Variants in SHISA5 observed in about 807,000 individuals in gnomAD.
SHISA5 encodes protein shisa-5.
In SHISA5, 21 loss-of-function variants were observed where a neutral mutation model predicts 27.5. That is an observed-to-expected ratio of 0.76 (90% CI 0.54 to 1.10). The LOEUF (loss-of-function observed/expected upper bound fraction) is 1.10. Among genes scored for constraint, SHISA5 ranks in the 50% least tolerant of loss-of-function variants. The pLI is 0.00. For synonymous variants in SHISA5, 137 were observed against 142.2 expected, an observed-to-expected ratio of 0.96 and a Z score of 0.26; for missense variants, 314 against 336.3, an observed-to-expected ratio of 0.93 and a Z score of 0.52.
chr3:48,489,195 ATTTT>A (rs11293006), intron 2 of SHISA5, among the ~76,000 whole-genome samples: 4 of 130,080 alleles, frequency 3.1e-5, no homozygotes, highest in Admixed American at 7.9e-5. Context: ...ACATTATGAG[ATTTT>A]TTTTTTTTTT....
rs747769517 is a variant in SHISA5, at chr3:48,469,622, G to A, written c.431-49C>T. The A allele has an allele frequency of 3.8e-6, 6 of 1,593,354 alleles. No individual in the cohort carries two copies. The highest frequency in any genetic ancestry group is 5.1e-6 in the Non-Finnish European group (6 of 1,168,522). On this transcript the variant is annotated intron_variant, in intron 4 of 5. Transcript: ENST00000296444. The surrounding 1 kb of genome is among the most constrained non-coding windows in gnomAD (Gnocchi z 4.6). ...ACCCTCCTCCATCTCCCCAGGTCTT[G>A]AGAGCCAGGCTTGCCACCCATCCCT...
At chr3:48,499,359 A>G (rs964281751) in intron 2 of SHISA5, among the ~76,000 whole-genome samples, 3 of 151,628 alleles carry the variant, frequency 2.0e-5, no homozygotes, top group African/African-American at 7.3e-5. Flanking sequence ...ATTAAATTTA[A>G]ATGGAATAAA....
At position 48,497,551 on chromosome 3, in the gene SHISA5, G is replaced by A. The variant is rs143725484; in HGVS notation, c.233+3586C>T. 8.1e-3 allele frequency among the ~76,000 whole-genome samples: 1,226 copies of A among 151,532 alleles called. 8 individuals are homozygous for A. Among genetic ancestry groups the A allele is most frequent in the African/African-American group, 0.028 (1,153 of 41,320 alleles). ...GCTGGGATTACAGGTGTGAGCCACC[G>A]CACCCGGCCAGAAAAAAACAATCTT... On this transcript the variant is annotated intron_variant, in intron 2 of 5. Coordinates refer to ENST00000296444, the MANE Select transcript of SHISA5 (RefSeq NM_016479.6).
At position 48,469,398 on chromosome 3, in the gene SHISA5, C is replaced by T; in HGVS notation, c.606G>A (p.Gln202=). The change falls in exon 5 of 6, where the codon CAG becomes CAA. Residue 202 remains glutamine (Q), a synonymous_variant. Coordinates refer to ENST00000296444, the MANE Select transcript of SHISA5 (RefSeq NM_016479.6). The surrounding 1 kb of genome is among the most constrained non-coding windows in gnomAD (Gnocchi z 4.6). ...PMQYPPPYPA[Q]PMGPPAYHET... is the part of the protein sequence containing the mutation. ...CGTGGTAGGCCGGTGGGCCCATGGG[C>T]TGGGCTGGGTAAGGTGGTGGGTACT... is the stretch of plus-strand genomic sequence containing the variant. The T allele has an allele frequency of 6.2e-7, 1 of 1,603,896 alleles. No individual in the cohort carries two copies. Among genetic ancestry groups the T allele is most frequent in the Non-Finnish European group, 8.5e-7 (1 of 1,173,568 alleles).
At chr3:48,490,427 A>C (rs2041388211) in intron 2 of SHISA5, among the ~76,000 whole-genome samples, 1 of 152,236 alleles carries the variant, frequency 6.6e-6, no homozygotes, top group Non-Finnish European at 1.5e-5. Context: ...ATGGGGGTGC[A>C]GCCCCCATCA....
At chr3:48,496,315 C>T (rs930869952) in intron 2 of SHISA5, among the ~76,000 whole-genome samples, 2 of 150,448 alleles carry the variant, frequency 1.3e-5, no homozygotes, top group African/African-American at 4.9e-5. Flanking sequence ...AAAATTAGGC[C>T]GGGTGCAGTG....
In SHISA5 at chr3:48,501,167, C is replaced by T; in HGVS notation, c.203G>A (p.Ser68Asn). The change falls in exon 2 of 6, where the codon AGC becomes AAC. Residue 68 changes from serine to asparagine, a missense_variant. Physicochemically the swap from Ser to Asn is conservative, Grantham distance 46. Transcript: ENST00000296444. ...CSDVLKKFVW[S>N]EERCAVPEAS... ...CTCAGGCACAGCACACCTTTCCTCG[C>T]TCCACACAAATTTCTTCAGCACGTC... 6.2e-7 allele frequency: 1 copy of T among 1,609,958 alleles called. No individual in the cohort carries two copies. Among genetic ancestry groups the T allele is most frequent in the Non-Finnish European group, 8.5e-7 (1 of 1,178,254 alleles).
chr3:48,499,404 C>A (rs1553830385), intron 2 of SHISA5, among the ~76,000 whole-genome samples: 2 of 151,942 alleles, frequency 1.3e-5, no homozygotes, highest in Non-Finnish European at 2.9e-5. Context: ...TACCATCAGG[C>A]GCGGTGGCTC....
At chr3:48,490,373 G>A (rs1007183123) in intron 2 of SHISA5, among the ~76,000 whole-genome samples, 2 of 152,164 alleles carry the variant, frequency 1.3e-5, no homozygotes, top group African/African-American at 2.4e-5. Context: ...GCACCTGGCC[G>A]GCCACCTCAG....
At chr3:48,477,189 G>A (rs1450895624) in intron 3 of SHISA5, 1 of 401,168 alleles carries the variant, frequency 2.5e-6, no homozygotes, top group East Asian at 7.2e-5. Context: ...CTGCCTCCTG[G>A]GTTCAAGTGA....
chr3:48,504,105 G>GCGGACGGGCGGA lies in SHISA5; in HGVS notation c.-23_-12dup, dbSNP rs1271373194. On this transcript the variant is annotated 5_prime_UTR_variant, in exon 1 of 6. Transcript: ENST00000296444. This position sits in a 1 kb window ranked among gnomAD's most constrained non-coding sequence, Gnocchi z 4.0. ...GACCGGCGCAGTCATGGCTGGGCGG[G>GCGGACGGGCGGA]CGGACGGGCGGACGGACGCGAGCGC... 3.2e-6 allele frequency: 4 copies of GCGGACGGGCGGA among 1,253,668 alleles called. No individual in the cohort carries two copies. The highest frequency in any genetic ancestry group is 1.6e-5 in the African/African-American group (1 of 63,918). The allele number at this position is 1,253,668 out of a possible 1,614,324, so 77.7% of individuals were successfully genotyped here.
Position 48,472,977 on chromosome 3 carries a change from C to CA in SHISA5, c.315-3135dup, listed in dbSNP as rs1386771775. On this transcript the variant is annotated intron_variant, in intron 3 of 5. Transcript: ENST00000296444. ...CAGAGATCTCTCAGTGTTTGTCTCT[C>CA]AAACACACACGCAGCATGGCGCCCA... is the stretch of plus-strand genomic sequence containing the variant. 2.6e-6 allele frequency: 4 copies of CA among 1,530,874 alleles called. No individual in the cohort carries two copies. In the African/African-American group the frequency reaches 5.5e-5, roughly 21 times the overall value. The allele number at this position is 1,530,874 out of a possible 1,614,324, so 94.8% of individuals were successfully genotyped here. A position where few individuals can be genotyped will look rare whatever the true frequency, so the allele number is the denominator to read the frequency against.
chr3:48,495,484 G>C (rs1306436839), intron 2 of SHISA5, among the ~76,000 whole-genome samples: 1 of 146,600 alleles, frequency 6.8e-6, no homozygotes, highest in Non-Finnish European at 1.5e-5. Flanking sequence ...TTGTTCTGGT[G>C]TGAGAGAATA....
chr3:48,491,330 G>T (rs1333448202), intron 2 of SHISA5, among the ~76,000 whole-genome samples: 1 of 152,046 alleles, frequency 6.6e-6, no homozygotes, highest in Non-Finnish European at 1.5e-5. Context: ...GTGTTAGCCA[G>T]GATGGTCTCG....
chr3:48,470,795 C>T lies in SHISA5; in HGVS notation c.315-952G>A, dbSNP rs550427464. ...TACAAAAATTAGTCGGGCACGGTGG[C>T]GGGTGCCTGTAATCCCAGCTACTTG... is the stretch of plus-strand genomic sequence containing the variant. On this transcript the variant is annotated intron_variant, in intron 3 of 5. Coordinates refer to ENST00000296444, the MANE Select transcript of SHISA5 (RefSeq NM_016479.6). The surrounding 1 kb of genome is among the most constrained non-coding windows in gnomAD (Gnocchi z 4.3). Among the ~76,000 whole-genome samples, 5 of 152,038 alleles carry T rather than the reference C, an allele frequency of 3.3e-5. No individual in the cohort carries two copies. Among genetic ancestry groups the T allele is most frequent in the Non-Finnish European group, 5.9e-5 (4 of 68,004 alleles).
intron 2 of SHISA5, among the ~76,000 whole-genome samples, chr3:48,486,406 AAT>A (rs1402287986): frequency 7.7e-5 from 6 of 78,310 alleles, no homozygotes; most frequent in South Asian, 6.8e-4. Context: ...TATAATATAT[AAT>A]ATATATTATA....
chr3:48,478,879 G>A (rs1170337050), intron 3 of SHISA5, among the ~76,000 whole-genome samples: 2 of 151,704 alleles, frequency 1.3e-5, no homozygotes, highest in East Asian at 3.9e-4. Flanking sequence ...GCCCCCATCG[G>A]GACCCATCAG....
intron 2 of SHISA5, among the ~76,000 whole-genome samples, chr3:48,496,301 T>A (rs535209065): frequency 0.014 from 1,939 of 135,770 alleles, 28 homozygotes; most frequent in African/African-American, 0.052. Flanking sequence ...AAAAAAAAAA[T>A]ACAAAAATTA....
At chr3:48,497,251 T>C (rs1377862870) in intron 2 of SHISA5, among the ~76,000 whole-genome samples, 2 of 149,688 alleles carry the variant, frequency 1.3e-5, no homozygotes, top group Non-Finnish European at 3.0e-5. Flanking sequence ...GTCTTAAGGC[T>C]TCCAGAACAA....
Sources: allele counts gnomAD v4.1 joint callset (sites outside exome capture counted in the v4.1 genomes callset), GRCh38; gene constraint gnomAD v4.1.1; non-coding constraint Gnocchi (gnomAD v3.1); transcripts MANE v1.5; gene names NCBI Gene and HGNC (gene_info 2026-07-23, HGNC 2026-07-21).